The following KSR2 variants were observed in gnomAD, a reference collection of about 807,000 sequenced individuals.
KSR2 encodes the protein kinase suppressor of ras 2.
A neutral mutation model predicts 107.8 loss-of-function variants in KSR2; 25 were observed. That is an observed-to-expected ratio of 0.23 (90% CI 0.17 to 0.32). The LOEUF is 0.32. Among genes scored for constraint, KSR2 ranks in the 10% least tolerant of loss-of-function variants. The probability of loss-of-function intolerance (pLI) is 1.00; values close to 1 mark genes in which losing one functional copy is unlikely to be tolerated. For synonymous variants in KSR2, 480 were observed against 507.0 expected (o/e 0.95, Z 0.71); for missense variants, 887 against 1,268.9 (o/e 0.70, Z 4.57).
intron 4 of KSR2, among the ~76,000 whole-genome samples, chr12:117,672,496 G>A (rs946524270): frequency 6.6e-6 from 1 of 152,136 alleles, no homozygotes; most frequent in African/African-American, 2.4e-5. Context: ...ACAGAGTGAG[G>A]GTTCAGGTGA....
intron 1 of KSR2, among the ~76,000 whole-genome samples, chr12:117,909,210 A>G (rs1207640458): frequency 6.6e-6 from 1 of 152,212 alleles, no homozygotes; most frequent in Non-Finnish European, 1.5e-5. Context: ...GCTCTTCAGT[A>G]AGATTTCACT....
At chr12:117,622,952 G>A (rs557836713) in intron 5 of KSR2, among the ~76,000 whole-genome samples, 2 of 152,192 alleles carry the variant, frequency 1.3e-5, no homozygotes, top group African/African-American at 4.8e-5. Context: ...ATTGAGGTAG[G>A]CATGCACTCC....
chr12:117,807,239 G>A (rs1028924632), intron 3 of KSR2, among the ~76,000 whole-genome samples: 9 of 152,278 alleles, frequency 5.9e-5, no homozygotes, highest in Non-Finnish European at 8.8e-5. Flanking sequence ...CTTGGAAACC[G>A]AGTGTATTTT....
chr12:117,623,416 T>C (rs961816045), intron 5 of KSR2, among the ~76,000 whole-genome samples: 7 of 152,084 alleles, frequency 4.6e-5, no homozygotes, highest in Admixed American at 1.3e-4. Context: ...TGTGTGATGT[T>C]CCCTCCCTGT....
intron 1 of KSR2, among the ~76,000 whole-genome samples, chr12:117,906,121 C>T (rs893311483): frequency 9.2e-5 from 14 of 151,872 alleles, no homozygotes; most frequent in African/African-American, 2.2e-4. Context: ...GAGGCCGAGG[C>T]GGGCAGATCA....
chr12:117,492,064 C>T (rs139729002), intron 14 of KSR2, among the ~76,000 whole-genome samples: 5 of 152,298 alleles, frequency 3.3e-5, no homozygotes, highest in African/African-American at 9.6e-5. Context: ...CACCAAAAAT[C>T]ATCTTTCTCC....
chr12:117,872,733 G>C (rs533339825), intron 1 of KSR2, among the ~76,000 whole-genome samples: 3 of 152,246 alleles, frequency 2.0e-5, no homozygotes, highest in East Asian at 1.9e-4. Flanking sequence ...CATAATGAAA[G>C]TAGTTTCTCA....
chr12:117,580,371 T>G (rs911057874), intron 6 of KSR2, among the ~76,000 whole-genome samples: 4 of 152,188 alleles, frequency 2.6e-5, no homozygotes, highest in African/African-American at 9.6e-5. Context: ...TTTTGCAGAA[T>G]TTGGCAGCTC....
chr12:117,521,561 A>G (rs1874761521), intron 14 of KSR2, among the ~76,000 whole-genome samples: 1 of 152,246 alleles, frequency 6.6e-6, no homozygotes, highest in African/African-American at 2.4e-5. Flanking sequence ...CGGCTATAGC[A>G]ATTGGGTAAC....
At chr12:117,911,636 A>AT (rs905887755) in intron 1 of KSR2, among the ~76,000 whole-genome samples, 88 of 149,536 alleles carry the variant, frequency 5.9e-4, no homozygotes, top group South Asian at 1.1e-3. Flanking sequence ...GTCCTACTTT[A>AT]TTTTTTTTTT....
rs542597767 is a variant in KSR2, at chr12:117,761,596, C to T, written c.473-72G>A. 7.1e-6 allele frequency: 10 copies of T among 1,402,078 alleles called. No individual in the cohort carries two copies. The South Asian group carries it at 1.2e-4, about 16-fold the overall frequency. 86.9% of individuals were successfully genotyped at this position (1,402,078 alleles called of 1,614,324 possible). On this transcript the variant is annotated intron_variant, in intron 3 of 19. Coordinates refer to ENST00000339824, the MANE Select transcript of KSR2 (RefSeq NM_173598.6). ...GCCAGGTGAGTTACACCATACACACCATTACATCATACACACATTACACCA... is the reference window on the plus strand; with the variant it reads ...GCCAGGTGAGTTACACCATACACACTATTACATCATACACACATTACACCA...
rs111525862 is a variant in KSR2, at chr12:117,620,763, T to C, written c.1172-38404A>G. On this transcript the variant is annotated intron_variant, in intron 5 of 19. Transcript: ENST00000339824. ...TGACCAATAACCAATGTGTGGGTAT[T>C]TATCATTCTTCTTTTTTTCTGATTA... is the stretch of plus-strand genomic sequence containing the variant. 4.8e-3 allele frequency among the ~76,000 whole-genome samples: 735 copies of C among 152,292 alleles called. 3 individuals are homozygous for C. Among genetic ancestry groups the C allele is most frequent in the Admixed American group, 7.0e-3 (107 of 15,288 alleles).
At chr12:117,791,360 C>T (rs1000901193) in intron 3 of KSR2, among the ~76,000 whole-genome samples, 7 of 152,178 alleles carry the variant, frequency 4.6e-5, no homozygotes, top group African/African-American at 1.7e-4. Flanking sequence ...TTTCACAGCC[C>T]TGAGTCATTC....
At chr12:117,846,025 CCAGCCTGCCCTTCCTAA>C (rs1349606328) in intron 3 of KSR2, among the ~76,000 whole-genome samples, 18 of 151,958 alleles carry the variant, frequency 1.2e-4, no homozygotes, top group Non-Finnish European at 2.1e-4. Flanking sequence ...AGAAATTCCA[CCAGCCTGCCCTTCCTAA>C]CAGCCTGCCC....
intron 1 of KSR2, among the ~76,000 whole-genome samples, chr12:117,894,696 C>G (rs1894452327): frequency 1.5e-5 from 2 of 134,322 alleles, no homozygotes; most frequent in East Asian, 6.4e-4. Flanking sequence ...TCCCCCTCCC[C>G]CTCCCCATCT....
intron 3 of KSR2, among the ~76,000 whole-genome samples, chr12:117,816,739 G>A (rs1160433067): frequency 2.6e-5 from 4 of 152,284 alleles, no homozygotes; most frequent in Non-Finnish European, 5.9e-5. Context: ...TGCGTCCACT[G>A]AGTGTTTACT....
intron 5 of KSR2, among the ~76,000 whole-genome samples, chr12:117,614,595 C>G (rs761353888): frequency 6.6e-5 from 10 of 152,118 alleles, no homozygotes; most frequent in Non-Finnish European, 1.5e-4. Flanking sequence ...AAAAAGGAAC[C>G]TAACAGAAGA....
intron 4 of KSR2, among the ~76,000 whole-genome samples, chr12:117,684,050 C>T (rs1325805228): frequency 1.3e-5 from 2 of 152,214 alleles, no homozygotes; most frequent in African/African-American, 4.8e-5. Flanking sequence ...TCTAGACTTA[C>T]CTGAAAGTTG....
At chr12:117,593,059 A>G (rs1880418754) in intron 5 of KSR2, among the ~76,000 whole-genome samples, 1 of 152,164 alleles carries the variant, frequency 6.6e-6, no homozygotes, top group African/African-American at 2.4e-5. Flanking sequence ...GTCTGGAAAG[A>G]GGAGAGCAGC....
Sources: allele counts gnomAD v4.1 joint callset (sites outside exome capture counted in the v4.1 genomes callset), GRCh38; gene constraint gnomAD v4.1.1; transcripts MANE v1.5; gene names NCBI Gene and HGNC (gene_info 2026-07-23, HGNC 2026-07-21).